PLXNA4: variants seen among roughly 807,000 people sequenced by gnomAD.
PLXNA4 encodes the protein plexin A4.
A neutral mutation model predicts 191.8 loss-of-function variants in PLXNA4; 44 were observed. The ratio of observed to expected loss-of-function variants is 0.23; its 90% CI spans 0.18 to 0.29. PLXNA4 has a LOEUF of 0.29. Among genes scored for constraint, PLXNA4 ranks in the 10% least tolerant of loss-of-function variants. PLXNA4 has a pLI of 1.00. For missense variants in PLXNA4, 1,800 were observed against 2,488.8 expected (o/e 0.72, Z 5.89); for synonymous variants, 1,082 against 1,009.5 (o/e 1.07, Z -1.36).
intron 2 of PLXNA4, among the ~76,000 whole-genome samples, chr7:132,492,357 G>A (rs760054902): frequency 2.2e-4 from 34 of 152,158 alleles, no homozygotes; most frequent in Non-Finnish European, 3.2e-4. Context: ...CAACAGCCAC[G>A]TACAAAAAGA....
At chr7:132,271,355 A>G (rs750330996) in intron 4 of PLXNA4, 74 of 151,924 alleles carry the variant, frequency 4.9e-4, no homozygotes, top group Non-Finnish European at 8.8e-4. Flanking sequence ...AACCATGACC[A>G]TCACAATAAA....
intron 2 of PLXNA4, among the ~76,000 whole-genome samples, chr7:132,642,769 C>T (rs1803768342): frequency 6.6e-6 from 1 of 152,106 alleles, no homozygotes; most frequent in Non-Finnish European, 1.5e-5. Flanking sequence ...AACTACGGTT[C>T]ACCCAAACAG....
intron 2 of PLXNA4, among the ~76,000 whole-genome samples, chr7:132,491,865 G>T (rs556704715): frequency 6.6e-6 from 1 of 152,148 alleles, no homozygotes; most frequent in Non-Finnish European, 1.5e-5. Flanking sequence ...GAGGCAGAGG[G>T]TTAAAGGGAG....
chr7:132,235,162 G>A (rs1488620717), intron 5 of PLXNA4, among the ~76,000 whole-genome samples: 1 of 152,204 alleles, frequency 6.6e-6, no homozygotes, highest in East Asian at 1.9e-4. Context: ...AAGGGGAGGG[G>A]GACCAGGAGG....
At chr7:132,458,908 C>T (rs1796402505) in intron 3 of PLXNA4, among the ~76,000 whole-genome samples, 1 of 152,176 alleles carries the variant, frequency 6.6e-6, no homozygotes, top group African/African-American at 2.4e-5. Flanking sequence ...AAATGCCTAA[C>T]GGGACAAGCA....
At chr7:132,246,694 C>T (rs907965118) in intron 4 of PLXNA4, among the ~76,000 whole-genome samples, 5 of 151,902 alleles carry the variant, frequency 3.3e-5, no homozygotes, top group Non-Finnish European at 7.4e-5. Context: ...GGTAAGCTTC[C>T]TTAAATAATA....
At chr7:132,167,058 G>A (rs760138133) in intron 22 of PLXNA4, among the ~76,000 whole-genome samples, 1 of 152,308 alleles carries the variant, frequency 6.6e-6, no homozygotes, top group East Asian at 1.9e-4. Flanking sequence ...CAGACAGCAG[G>A]CAGACAGCAC....
At chr7:132,359,994 A>G (rs191598335) in intron 3 of PLXNA4, among the ~76,000 whole-genome samples, 3 of 152,314 alleles carry the variant, frequency 2.0e-5, no homozygotes, top group East Asian at 3.9e-4. Flanking sequence ...TTCAATTGCT[A>G]TATAGTTCTC....
chr7:132,207,891 C>A (rs1003801494), intron 10 of PLXNA4, among the ~76,000 whole-genome samples: 1 of 152,222 alleles, frequency 6.6e-6, no homozygotes, highest in Non-Finnish European at 1.5e-5. Flanking sequence ...GTTCTTTGCT[C>A]AACCTTTGAT....
intron 25 of PLXNA4, among the ~76,000 whole-genome samples, chr7:132,157,754 G>A (rs1795838422): frequency 6.6e-6 from 1 of 152,146 alleles, no homozygotes; most frequent in African/African-American, 2.4e-5. Context: ...AGGAACAGTG[G>A]GTGCTAGCTG....
chr7:132,389,739 T>C (rs934339151), intron 3 of PLXNA4, among the ~76,000 whole-genome samples: 1 of 152,270 alleles, frequency 6.6e-6, no homozygotes, highest in Non-Finnish European at 1.5e-5. Flanking sequence ...TAGGATTGTC[T>C]TGGCTATGTG....
In PLXNA4 at chr7:132,159,328, C is replaced by T. The variant is rs1017563414; in HGVS notation, c.4660+145G>A. 51 of 1,331,358 alleles carry T rather than the reference C, an allele frequency of 3.8e-5. No individual in the cohort carries two copies. The Middle Eastern group carries it at 1.1e-3, about 28-fold the overall frequency. 82.5% of individuals were successfully genotyped at this position (1,331,358 alleles called of 1,614,324 possible). A position where few individuals can be genotyped will look rare whatever the true frequency, so the allele number is the denominator to read the frequency against. ...AGGAAGGCAACCCCATGGGCTCCTGCGGGGGTCCAGCCATGCCTGACTCCC... is the reference window on the plus strand; with the variant it reads ...AGGAAGGCAACCCCATGGGCTCCTGTGGGGGTCCAGCCATGCCTGACTCCC... On this transcript the variant is annotated intron_variant, in intron 25 of 31. Coordinates refer to ENST00000321063, the MANE Select transcript of PLXNA4 (RefSeq NM_020911.2).
intron 21 of PLXNA4, among the ~76,000 whole-genome samples, chr7:132,172,141 C>G (rs1466127866): frequency 1.3e-5 from 2 of 152,192 alleles, no homozygotes; most frequent in Non-Finnish European, 2.9e-5. Context: ...CCACCCTCCC[C>G]AGCCCAAGCA....
At chr7:132,616,707 C>T (rs1218655892) in intron 2 of PLXNA4, among the ~76,000 whole-genome samples, 1 of 152,088 alleles carries the variant, frequency 6.6e-6, no homozygotes, top group South Asian at 2.1e-4. Context: ...TATAACTCAA[C>T]ATTCTATTAT....
chr7:132,240,451 C>A (rs1338297291), intron 5 of PLXNA4, among the ~76,000 whole-genome samples: 1 of 152,232 alleles, frequency 6.6e-6, no homozygotes, highest in Non-Finnish European at 1.5e-5. Context: ...GAGGCCAGCA[C>A]TCAGGCCGGG....
At chr7:132,366,111 A>G (rs1213523785) in intron 3 of PLXNA4, 1 of 152,232 alleles carries the variant, frequency 6.6e-6, no homozygotes, top group African/African-American at 2.4e-5. Flanking sequence ...CAGAGCTCCA[A>G]AAACATTGTG....
chr7:132,529,510 T>A (rs1410342434), intron 1 of PLXNA4, among the ~76,000 whole-genome samples: 1 of 152,138 alleles, frequency 6.6e-6, no homozygotes, highest in Non-Finnish European at 1.5e-5. Context: ...AAAGTTTTTT[T>A]AAAAACACAG....
At chr7:132,307,815 T>A (rs1584971776) in intron 3 of PLXNA4, among the ~76,000 whole-genome samples, 2 of 152,136 alleles carry the variant, frequency 1.3e-5, no homozygotes, top group South Asian at 4.2e-4. Context: ...ATTTCCTGAT[T>A]CCAGCCAGGA....
chr7:132,558,400 A>C (rs1800892668), intron 1 of PLXNA4, among the ~76,000 whole-genome samples: 1 of 152,240 alleles, frequency 6.6e-6, no homozygotes, highest in African/African-American at 2.4e-5. Flanking sequence ...AGCATCATCA[A>C]ATTAAAACAA....
Sources: gnomAD v4.1 joint callset for allele counts (sites outside exome capture counted in the v4.1 genomes callset) on GRCh38, gnomAD v4.1.1 for gene constraint, MANE v1.5 for transcripts, NCBI Gene and HGNC (gene_info 2026-07-23, HGNC 2026-07-21) for gene names.